DCHS2: variants seen among roughly 807,000 people sequenced by gnomAD.
DCHS2 encodes the protein dachsous cadherin-related 2.
A neutral mutation model predicts 182.4 loss-of-function variants in DCHS2; 142 were observed. The observed-to-expected ratio is 0.78, with a 90% CI of 0.68 to 0.89. The LOEUF (loss-of-function observed/expected upper bound fraction) is 0.89, where lower values mean the gene tolerates loss of function less well. Ranked by LOEUF, DCHS2 falls within the 40% of genes least tolerant of loss-of-function variation. The pLI is 0.00. For synonymous variants in DCHS2, 1,740 were observed against 1,663.3 expected (o/e 1.05, Z -1.12); for missense variants, 4,319 against 4,198.6 (o/e 1.03, Z -0.79).
chr4:154,266,078 T>G (rs1733241325), intron 14 of DCHS2, among the ~76,000 whole-genome samples: 1 of 152,222 alleles, frequency 6.6e-6, no homozygotes, highest in African/African-American at 2.4e-5. Context: ...CGTATTGTAC[T>G]GTATTCATCC....
In DCHS2 at chr4:154,343,413, A is replaced by G. The variant is rs1561056539; in HGVS notation, c.2477-8309T>C. 8.5e-6 allele frequency: 11 copies of G among 1,299,354 alleles called. No homozygotes were observed. The East Asian group carries it at 3.1e-4, about 37-fold the overall frequency. 80.5% of individuals were successfully genotyped at this position (1,299,354 alleles called of 1,614,324 possible). ...CTATGAAAGTCCTAGATGGCATCTT[A>G]TTTCATATAAGGCTGTTTCATCTAC... On this transcript the variant is annotated intron_variant, in intron 3 of 19. Coordinates refer to ENST00000357232, the MANE Select transcript of DCHS2 (RefSeq NM_001358235.2).
At chr4:154,483,735 T>C (rs1736009279) in intron 1 of DCHS2, among the ~76,000 whole-genome samples, 1 of 152,316 alleles carries the variant, frequency 6.6e-6, no homozygotes, top group Non-Finnish European at 1.5e-5. Flanking sequence ...ACCATCTCTC[T>C]GGGTTGTGGT....
At chr4:154,365,814 A>G (rs62331895) in intron 3 of DCHS2, among the ~76,000 whole-genome samples, 2 of 150,624 alleles carry the variant, frequency 1.3e-5, no homozygotes, top group African/African-American at 4.9e-5. Context: ...ACGTCCGGCT[A>G]ATTTTTTTTT....
At chr4:154,273,937 A>G (rs1348013399) in intron 13 of DCHS2, among the ~76,000 whole-genome samples, 2 of 152,182 alleles carry the variant, frequency 1.3e-5, no homozygotes, top group Non-Finnish European at 2.9e-5. Context: ...GAGGCCATGT[A>G]TAAGACAGTG....
chr4:154,237,276 T>G, intron 19 of DCHS2, 117 bp from the exon 20 acceptor site: 1 of 1,323,776 alleles, frequency 7.6e-7, no homozygotes, highest in Non-Finnish European at 1.0e-6. Flanking sequence ...TTAGATCTGT[T>G]AAGTCACAAT....
chr4:154,456,418 G>A (rs1040534191), intron 1 of DCHS2, among the ~76,000 whole-genome samples: 1 of 152,274 alleles, frequency 6.6e-6, no homozygotes, highest in African/African-American at 2.4e-5. Flanking sequence ...GCAGTCCAAC[G>A]GAGAAGATAA....
chr4:154,314,829 T>G (rs1255101851), intron 10 of DCHS2, among the ~76,000 whole-genome samples: 4 of 151,814 alleles, frequency 2.6e-5, no homozygotes, highest in Non-Finnish European at 4.4e-5. Flanking sequence ...ATTCATATAA[T>G]ATTCATATTT....
In DCHS2 at chr4:154,366,624, A is replaced by G. The variant is rs536269357; in HGVS notation, c.2245-183T>C. 3.9e-5 allele frequency among the ~76,000 whole-genome samples: 6 copies of G among 152,232 alleles called. No homozygotes were observed. The East Asian group carries it at 9.7e-4, about 25-fold the overall frequency. On this transcript the variant is annotated intron_variant, in intron 2 of 19. Transcript: ENST00000357232. ...CATACATACACATTTTGTCATTTCA[A>G]AAGAGTGTGTATATATACACACACA...
intron 3 of DCHS2, among the ~76,000 whole-genome samples, chr4:154,337,661 A>G (rs912205763): frequency 2.0e-5 from 3 of 152,132 alleles, no homozygotes; most frequent in African/African-American, 7.2e-5. Context: ...GCTGTCTTCC[A>G]TCTGGATTGC....
At chr4:154,274,610 C>T (rs80000145) in intron 13 of DCHS2, among the ~76,000 whole-genome samples, 8,726 of 152,092 alleles carry the variant, frequency 0.057, 502 homozygotes, top group Admixed American at 0.18. Context: ...GCGTATTTTG[C>T]TCAGTGTAAT....
chr4:154,367,510 A>G (rs937706581), intron 2 of DCHS2, among the ~76,000 whole-genome samples: 1 of 152,166 alleles, frequency 6.6e-6, no homozygotes, highest in Non-Finnish European at 1.5e-5. Flanking sequence ...TGTTGCCTCC[A>G]TCTAAAATCA....
intron 1 of DCHS2, among the ~76,000 whole-genome samples, chr4:154,423,768 A>G (rs1312741841): frequency 6.6e-6 from 1 of 152,246 alleles, no homozygotes. Context: ...GTTAAAATGC[A>G]TATACTTATA....
intron 1 of DCHS2, among the ~76,000 whole-genome samples, chr4:154,402,435 C>T (rs996156144): frequency 6.6e-6 from 1 of 152,154 alleles, no homozygotes; most frequent in Non-Finnish European, 1.5e-5. Flanking sequence ...TCAATTGGGA[C>T]AGTGATAAAG....
rs187671046 is a variant in DCHS2, at chr4:154,374,576, T to C, written c.2244+2677A>G. On this transcript the variant is annotated intron_variant, in intron 2 of 19. Coordinates refer to ENST00000357232, the MANE Select transcript of DCHS2 (RefSeq NM_001358235.2). ...ATTCCTGAAACTACATAGTAAGGTA[T>C]TGGCAAAAATCTAACCAAACAGATC... Among the ~76,000 whole-genome samples the C allele has an allele frequency of 7.2e-5, 11 of 152,312 alleles. No individual in the cohort carries two copies. In the East Asian group the frequency reaches 1.7e-3, roughly 24 times the overall value.
chr4:154,419,650 C>CAAAAAA (rs70947164), intron 1 of DCHS2, among the ~76,000 whole-genome samples: 25 of 44,894 alleles, frequency 5.6e-4, no homozygotes, highest in Admixed American at 9.9e-4. Context: ...AACTCCATCT[C>CAAAAAA]AAAAAAAAAA....
intron 16 of DCHS2, among the ~76,000 whole-genome samples, chr4:154,251,233 T>G (rs1732338556): frequency 6.6e-6 from 1 of 152,232 alleles, no homozygotes; most frequent in African/African-American, 2.4e-5. Flanking sequence ...TTGCCTTGAA[T>G]ATTTATTTAT....
At chr4:154,411,199 G>A (rs1266284298) in intron 1 of DCHS2, among the ~76,000 whole-genome samples, 1 of 152,036 alleles carries the variant, frequency 6.6e-6, no homozygotes, top group Non-Finnish European at 1.5e-5. Context: ...CAAATACATA[G>A]TGATAGAGAA....
intron 10 of DCHS2, among the ~76,000 whole-genome samples, chr4:154,308,648 G>T (rs1271559807): frequency 6.6e-6 from 1 of 152,182 alleles, no homozygotes; most frequent in Admixed American, 6.5e-5. Flanking sequence ...TGGAATATAT[G>T]AAATCACTGA....
Position 154,259,629 on chromosome 4 carries a change from C to G in DCHS2, c.6705G>C (p.Glu2235Asp). Residue 2235 changes from glutamate to aspartate, a missense_variant, in exon 15 of 20, where the codon GAG becomes GAC. Transcript: ENST00000357232. ...YCKVAVLIQD[E>D]NDNSPCFEQS... ...GTTCAAAGCATGGTGAATTATCATT[C>G]TCATCCTGTATCAAGACTGCTACTT... The G allele has an allele frequency of 6.2e-7, 1 of 1,614,022 alleles. No individual in the cohort carries two copies. Among genetic ancestry groups the G allele is most frequent in the South Asian group, 1.1e-5 (1 of 91,078 alleles).
Sources: allele counts gnomAD v4.1 joint callset (sites outside exome capture counted in the v4.1 genomes callset), GRCh38; gene constraint gnomAD v4.1.1; transcripts MANE v1.5; gene names NCBI Gene and HGNC (gene_info 2026-07-23, HGNC 2026-07-21).